Variants in SLC38A10 observed in about 807,000 individuals in gnomAD.
The protein encoded by SLC38A10 is solute carrier family 38 member 10, also known as Sodium-coupled neutral amino acid transporter 10.
SLC38A10 carries 53 observed loss-of-function variants against 81.0 expected under a neutral mutation model. The observed-to-expected ratio is 0.65, with a 90% CI of 0.53 to 0.82. The LOEUF is 0.82. Among genes scored for constraint, SLC38A10 ranks in the 40% least tolerant of loss-of-function variants. The pLI, the probability that SLC38A10 is intolerant of heterozygous loss-of-function variation, is 0.00. For synonymous variants in SLC38A10, 665 were observed against 655.3 expected, an observed-to-expected ratio of 1.01 and a Z score of -0.23; for missense variants, 1,471 against 1,545.0, an observed-to-expected ratio of 0.95 and a Z score of 0.80.
intron 1 of SLC38A10, among the ~76,000 whole-genome samples, chr17:81,292,794 G>C (rs941744044): frequency 5.9e-5 from 9 of 152,174 alleles, no homozygotes; most frequent in African/African-American, 2.2e-4. Flanking sequence ...TACTTTCACA[G>C]GTGTCTAAAC....
At position 81,253,717 on chromosome 17, in the gene SLC38A10, A is replaced by G. The variant is rs2062943361; in HGVS notation, c.1289-477T>C. 8.5e-6 allele frequency among the ~76,000 whole-genome samples: 1 copy of G among 117,876 alleles called. No homozygotes were observed. Among genetic ancestry groups the G allele is most frequent in the Admixed American group, 8.1e-5 (1 of 12,362 alleles). 77.3% of individuals were successfully genotyped at this position (117,876 alleles called of 152,430 possible). ...CACCATCATCACCATCACCATCACCATCATCACCATCTCCATCCCTACCAC... is the reference window on the plus strand; with the variant it reads ...CACCATCATCACCATCACCATCACCGTCATCACCATCTCCATCCCTACCAC... On this transcript the variant is annotated intron_variant, in intron 11 of 15. Coordinates refer to ENST00000374759, the MANE Select transcript of SLC38A10 (RefSeq NM_001037984.3). This position sits in a 1 kb window ranked among gnomAD's most constrained non-coding sequence, Gnocchi z 4.1.
At chr17:81,263,331 A>C (rs2063040471) in intron 10 of SLC38A10, 1 of 152,380 alleles carries the variant, frequency 6.6e-6, no homozygotes, top group African/African-American at 2.4e-5. Flanking sequence ...GCTGCCACGT[A>C]CACACCTGCT....
rs1211137777 is a variant in SLC38A10 at position 81,272,500 on chromosome 17, A to AGTTGGGGGGGGGTAAG, written c.1024+15_1024+16insCTTACCCCCCCCCAAC. 23 of 1,560,882 alleles carry AGTTGGGGGGGGGTAAG rather than the reference A, an allele frequency of 1.5e-5. No individual in the cohort carries two copies. The highest frequency in any genetic ancestry group is 1.8e-5 in the Non-Finnish European group (21 of 1,154,290). The stretch of plus-strand genomic sequence containing the variant: ...GGGTCCCACTCCCCGGCAACAGGGC[A>AGTTGGGGGGGGGTAAG]GCCCTCCCGCCTTACCGTTGGGGAT... On this transcript the variant is annotated intron_variant, in intron 9 of 15. Coordinates refer to ENST00000374759, the MANE Select transcript of SLC38A10 (RefSeq NM_001037984.3).
chr17:81,247,221 G>C (rs575870495), intron 14 of SLC38A10, 160 bp from the exon 15 acceptor site: 1 of 746,408 alleles, frequency 1.3e-6, no homozygotes, highest in South Asian at 2.3e-5. Flanking sequence ...TGACCGTGAA[G>C]CCCGGACAGC....
In SLC38A10 at chr17:81,252,966, G is replaced by GA. The variant is rs2062933430; in HGVS notation, c.1456+106dup. ...ACCAGAACTTAGGCTGGGCTGAAGG[G>GA]AAAAAGATACACACAGCCCTGAGAG... On this transcript the variant is annotated intron_variant, in intron 12 of 15. Transcript: ENST00000374759. The GA allele has an allele frequency of 1.6e-5, 22 of 1,392,786 alleles. No individual in the cohort carries two copies. In the South Asian group the frequency reaches 2.8e-4, roughly 18 times the overall value. 86.3% of individuals were successfully genotyped at this position (1,392,786 alleles called of 1,614,324 possible).
At chr17:81,251,652 G>A in intron 13 of SLC38A10, 40 bp from the exon 14 acceptor site, 1 of 1,463,124 alleles carries the variant, frequency 6.8e-7, no homozygotes, top group Non-Finnish European at 9.0e-7. Flanking sequence ...TTGCAGGAAA[G>A]TCAAGGGAGG....
chr17:81,271,656 A>G (rs565476565), intron 9 of SLC38A10, among the ~76,000 whole-genome samples: 11 of 151,906 alleles, frequency 7.2e-5, no homozygotes, highest in Non-Finnish European at 1.6e-4. Flanking sequence ...GTTCTAGAAT[A>G]GTTGGTTCTA....
Position 81,283,295 on chromosome 17 carries a change from G to A in SLC38A10, c.357+114C>T, listed in dbSNP as rs1407683366. The A allele has an allele frequency of 1.4e-5, 13 of 927,744 alleles. No individual in the cohort carries two copies. Among genetic ancestry groups the A allele is most frequent in the East Asian group, 8.3e-5 (3 of 36,232 alleles). The allele number at this position is 927,744 out of a possible 1,614,324, so 57.5% of individuals were successfully genotyped here. A position where few individuals can be genotyped will look rare whatever the true frequency, so the allele number is the denominator to read the frequency against. ...AAGCCCCTAGAATGACAGCAGGCTC[G>A]ACAGAAGCTTCTCCCGACCAGCACC... On this transcript the variant is annotated intron_variant, in intron 4 of 15. Coordinates refer to ENST00000374759, the MANE Select transcript of SLC38A10 (RefSeq NM_001037984.3). The surrounding 1 kb of genome is among the most constrained non-coding windows in gnomAD (Gnocchi z 4.7).
Position 81,246,877 on chromosome 17 carries a change from C to T in SLC38A10, c.2242+8G>A, listed in dbSNP as rs369709797. 476 of 1,579,190 alleles carry T rather than the reference C, an allele frequency of 3.0e-4. No individual in the cohort carries two copies. Among genetic ancestry groups the T allele is most frequent in the African/African-American group, 1.2e-3 (90 of 74,554 alleles). ...CCCCACCCCACTCCATCCGCCAGCC[C>T]GGCCTACCCTGCCTGGGTTTATCCT... On this transcript the variant is annotated splice_region_variant and intron_variant, in intron 15 of 15. Coordinates refer to ENST00000374759, the MANE Select transcript of SLC38A10 (RefSeq NM_001037984.3).
chr17:81,254,994 G>A (rs1252825273), intron 11 of SLC38A10, among the ~76,000 whole-genome samples: 1 of 152,272 alleles, frequency 6.6e-6, no homozygotes, highest in Non-Finnish European at 1.5e-5. Flanking sequence ...CATTTTCTCA[G>A]CAGGAGCAAA....
intron 6 of SLC38A10, 81 bp downstream of exon 6, chr17:81,280,528 C>T (rs1005402605): frequency 1.5e-5 from 23 of 1,571,440 alleles, no homozygotes; most frequent in Admixed American, 7.0e-5. Context: ...TCACAGTAAA[C>T]GAGAAAGAGA....
intron 4 of SLC38A10, among the ~76,000 whole-genome samples, chr17:81,282,999 C>T (rs564768304): frequency 2.0e-5 from 3 of 152,288 alleles, no homozygotes; most frequent in South Asian, 2.1e-4. Context: ...GGGGCAAGCA[C>T]GGAGGAGGCT....
rs545214886 is a variant in SLC38A10 at position 81,265,683 on chromosome 17, C to T, written c.1131+5235G>A. Reference sequence around the variant, plus strand: ...GCACAGATCCAGGCCTGTGCCCCTCCGTGGGCGCAGCCGGAGCCCCTGGGA... The same window carrying T: ...GCACAGATCCAGGCCTGTGCCCCTCTGTGGGCGCAGCCGGAGCCCCTGGGA... On this transcript the variant is annotated intron_variant, in intron 10 of 15. Transcript: ENST00000374759. This position sits in a 1 kb window ranked among gnomAD's most constrained non-coding sequence, Gnocchi z 4.2. Among the ~76,000 whole-genome samples the T allele has an allele frequency of 1.2e-4, 18 of 152,332 alleles. No homozygotes were observed. Among genetic ancestry groups the T allele is most frequent in the African/African-American group, 4.1e-4 (17 of 41,584 alleles).
chr17:81,270,889 G>C lies in SLC38A10; in HGVS notation c.1131+29C>G. ...CCCCAGCCCAGACCCATCAGCCCTCGTCCAGGCCACCCCACGAGCAGCACG... is the reference window on the plus strand; with the variant it reads ...CCCCAGCCCAGACCCATCAGCCCTCCTCCAGGCCACCCCACGAGCAGCACG... On this transcript the variant is annotated intron_variant, in intron 10 of 15. Transcript: ENST00000374759. This position sits in a 1 kb window ranked among gnomAD's most constrained non-coding sequence, Gnocchi z 4.0. The C allele has an allele frequency of 6.2e-7, 1 of 1,604,904 alleles. No homozygotes were observed.
At chr17:81,257,039 CAG>C (rs1231721259) in intron 11 of SLC38A10, among the ~76,000 whole-genome samples, 2 of 152,366 alleles carry the variant, frequency 1.3e-5, no homozygotes, top group Admixed American at 6.5e-5. Context: ...CCGTGAGAAA[CAG>C]GGCCACATGC....
intron 10 of SLC38A10, 98 bp from the exon 11 acceptor site, chr17:81,260,492 G>T: frequency 7.1e-7 from 1 of 1,417,354 alleles, no homozygotes; most frequent in Non-Finnish European, 9.4e-7. Context: ...GGGACGGGGT[G>T]AGGCACGAGG....
At chr17:81,251,291 G>C (rs1361417773) in intron 14 of SLC38A10, 4 of 1,610,868 alleles carry the variant, frequency 2.5e-6, no homozygotes, top group Non-Finnish European at 3.4e-6. Context: ...GGGGAGTAAG[G>C]CAGATAAAAG....
intron 11 of SLC38A10, among the ~76,000 whole-genome samples, chr17:81,257,551 G>A (rs918915191): frequency 1.3e-5 from 2 of 152,230 alleles, no homozygotes; most frequent in Non-Finnish European, 2.9e-5. Flanking sequence ...GCCGAATTCC[G>A]AAGGGCCCTG....
Position 81,295,081 on chromosome 17 carries a change from G to C in SLC38A10, c.-160C>G, listed in dbSNP as rs1159355321. 3.2e-6 allele frequency: 4 copies of C among 1,255,586 alleles called. No homozygotes were observed. In the Admixed American group the frequency reaches 1.8e-4, roughly 56 times the overall value. 77.8% of individuals were successfully genotyped at this position (1,255,586 alleles called of 1,614,324 possible). A position where few individuals can be genotyped will look rare whatever the true frequency, so the allele number is the denominator to read the frequency against. On this transcript the variant is annotated 5_prime_UTR_variant, in exon 1 of 16. Transcript: ENST00000374759. ...GAACACGGGAGCCTGAGCAGGCGCG[G>C]GCGCGGGCCCCAGAGGCTGCCTGGA...
Sources: allele counts gnomAD v4.1 joint callset (sites outside exome capture counted in the v4.1 genomes callset), GRCh38; gene constraint gnomAD v4.1.1; non-coding constraint Gnocchi (gnomAD v3.1); transcripts MANE v1.5; gene names NCBI Gene and HGNC (gene_info 2026-07-23, HGNC 2026-07-21).